The following CPAP variants were observed in gnomAD, a reference collection of about 807,000 sequenced individuals.
The protein encoded by CPAP is centrosomal P4.1-associated protein.
chr13:24,911,321 T>C, the CPAP span, among the ~76,000 whole-genome samples: 3 of 152,310 alleles, frequency 2.0e-5, no homozygotes, highest in African/African-American at 4.8e-5. Flanking sequence ...TTTCCAGTTT[T>C]CTTTCCTGAT....
chr13:24,926,349 C>T, the CPAP span, among the ~76,000 whole-genome samples: 1 of 152,044 alleles, frequency 6.6e-6, no homozygotes, highest in African/African-American at 2.4e-5. Flanking sequence ...CTCGGAGGCT[C>T]AGTTAAGGGG....
At chr13:24,907,408 G>C in the CPAP span, among the ~76,000 whole-genome samples, 1 of 152,114 alleles carries the variant, frequency 6.6e-6, no homozygotes, top group African/African-American at 2.4e-5. Flanking sequence ...GGAGTCCTAA[G>C]AACCCTTCTG....
chr13:24,922,044 G>T, the CPAP span, among the ~76,000 whole-genome samples: 2 of 152,082 alleles, frequency 1.3e-5, no homozygotes, highest in African/African-American at 4.8e-5. Context: ...GAAGGACACG[G>T]GTGCACGTGT....
At chr13:24,907,255 G>T in the CPAP span, 1 of 1,348,532 alleles carries the variant, frequency 7.4e-7, no homozygotes, top group Non-Finnish European at 1.1e-6. Flanking sequence ...TTTACACTTA[G>T]TGTGCCTGGT....
the CPAP span, among the ~76,000 whole-genome samples, chr13:24,921,626 CT>C: frequency 0.43 from 64,086 of 149,852 alleles, 13,621 homozygotes; most frequent in African/African-American, 0.46. Flanking sequence ...AAAGTAATGA[CT>C]TTTTTTTTTT....
At chr13:24,882,397 A>ATTAT in the CPAP span, 2 of 152,050 alleles carry the variant, frequency 1.3e-5, no homozygotes, top group East Asian at 3.9e-4. Flanking sequence ...CCAATCTGTA[A>ATTAT]TTATTTATTA....
the CPAP span, chr13:24,907,224 C>A: frequency 6.6e-7 from 1 of 1,510,246 alleles, no homozygotes; most frequent in Non-Finnish European, 9.2e-7. Flanking sequence ...ATTTAACATG[C>A]AAATCATAAT....
At chr13:24,929,355 C>T in the CPAP span, among the ~76,000 whole-genome samples, 1 of 152,216 alleles carries the variant, frequency 6.6e-6, no homozygotes, top group African/African-American at 2.4e-5. Flanking sequence ...AGTTACTGCG[C>T]CTGTCATCTC....
chr13:24,887,129 A>AATT, the CPAP span, among the ~76,000 whole-genome samples: 8 of 152,208 alleles, frequency 5.3e-5, no homozygotes, highest in Non-Finnish European at 1.5e-5. Flanking sequence ...ATAGGGAAAG[A>AATT]ATTAAGAAGC....
the CPAP span, chr13:24,885,225 A>T: frequency 8.2e-7 from 1 of 1,220,104 alleles, no homozygotes; most frequent in Non-Finnish European, 1.2e-6. Flanking sequence ...CAACTATTTT[A>T]ACCCATGTTT....
chr13:24,921,821 C>T, the CPAP span, among the ~76,000 whole-genome samples: 1 of 152,110 alleles, frequency 6.6e-6, no homozygotes, highest in Non-Finnish European at 1.5e-5. Flanking sequence ...TGCATCTCCT[C>T]CTCCAACTCC....
the CPAP span, chr13:24,906,432 G>C: frequency 6.2e-7 from 1 of 1,613,648 alleles, no homozygotes; most frequent in Non-Finnish European, 8.5e-7. Context: ...TTAGCAGCCA[G>C]CCGGCTGGCC....
At chr13:24,888,977 G>GTT in the CPAP span, among the ~76,000 whole-genome samples, 143 of 151,970 alleles carry the variant, frequency 9.4e-4, no homozygotes, top group African/African-American at 3.3e-3. Context: ...ATACTTATTG[G>GTT]TTGAGCATCC....
At chr13:24,882,279 T>G in the CPAP span, 1 of 150,640 alleles carries the variant, frequency 6.6e-6, no homozygotes, top group African/African-American at 2.4e-5. Flanking sequence ...TGTACTTATA[T>G]TCTTCAAAAA....
chr13:24,921,448 T>G, the CPAP span, among the ~76,000 whole-genome samples: 11 of 152,224 alleles, frequency 7.2e-5, no homozygotes, highest in Non-Finnish European at 1.5e-4. Flanking sequence ...CTTAAGAGAT[T>G]CATCTCCAAA....
At chr13:24,911,987 TC>T in the CPAP span, 1 of 1,614,188 alleles carries the variant, frequency 6.2e-7, no homozygotes, top group Non-Finnish European at 8.5e-7. Flanking sequence ...GAGCAGCTTC[TC>T]TTGTTCTTCC....
the CPAP span, chr13:24,933,112 T>C: frequency 2.9e-5 from 46 of 1,582,322 alleles, no homozygotes; most frequent in Non-Finnish European, 3.9e-5. Context: ...TGGCGGAAAG[T>C]TTTCCTTTTC....
the CPAP span, among the ~76,000 whole-genome samples, chr13:24,894,310 A>G: frequency 2.0e-5 from 3 of 152,232 alleles, no homozygotes; most frequent in African/African-American, 7.2e-5. Flanking sequence ...ATTAACCCAG[A>G]GGTGGCAACT....
chr13:24,933,116 C>G, the CPAP span: 1 of 1,581,604 alleles, frequency 6.3e-7, no homozygotes, highest in Non-Finnish European at 8.7e-7. Context: ...GGAAAGTTTT[C>G]CTTTTCATTA....
Sources: gnomAD v4.1 joint callset for allele counts (sites outside exome capture counted in the v4.1 genomes callset) on GRCh38, gnomAD v4.1.1 for gene constraint, MANE v1.5 for transcripts, NCBI Gene and HGNC (gene_info 2026-07-23, HGNC 2026-07-21) for gene names.